Variants in ANK1 observed in about 807,000 individuals in gnomAD.
ANK1 encodes the protein ankyrin-1.
In ANK1, 51 loss-of-function variants were observed where a neutral mutation model predicts 210.4. The observed-to-expected ratio is 0.24, with a 90% CI of 0.19 to 0.31. The LOEUF (loss-of-function observed/expected upper bound fraction) is 0.31, where lower values mean the gene tolerates loss of function less well. Among genes scored for constraint, ANK1 ranks in the 10% least tolerant of loss-of-function variants. The pLI is 1.00. For synonymous variants in ANK1, 967 were observed against 1,025.9 expected (o/e 0.94, Z 1.10); for missense variants, 2,051 against 2,504.4 (o/e 0.82, Z 3.86).
chr8:41,666,628 A>AGT (rs1810632237), intron 39 of ANK1, among the ~76,000 whole-genome samples: 1 of 152,250 alleles, frequency 6.6e-6, no homozygotes, highest in African/African-American at 2.4e-5. Context: ...CACTGTTTTC[A>AGT]GAGGTCCAGT....
intron 37 of ANK1, among the ~76,000 whole-genome samples, chr8:41,675,254 G>A (rs1016221567): frequency 1.3e-5 from 2 of 152,062 alleles, no homozygotes; most frequent in South Asian, 2.1e-4. Flanking sequence ...GCGCCATGAC[G>A]CCTGGCCAAT....
intron 1 of ANK1, among the ~76,000 whole-genome samples, chr8:41,838,576 G>A (rs900763586): frequency 2.6e-5 from 4 of 152,120 alleles, no homozygotes; most frequent in African/African-American, 9.6e-5. Context: ...GACCAGCCTG[G>A]CCAACATGGT....
intron 18 of ANK1, among the ~76,000 whole-genome samples, 172 bp downstream of exon 18, chr8:41,705,971 G>A (rs576235204): frequency 6.6e-6 from 1 of 152,190 alleles, no homozygotes; most frequent in Non-Finnish European, 1.5e-5. Flanking sequence ...AATCCCCAAT[G>A]GGAAAGTCAG....
chr8:41,879,754 C>T (rs1256156301), intron 1 of ANK1, among the ~76,000 whole-genome samples: 3 of 152,218 alleles, frequency 2.0e-5, no homozygotes, highest in Non-Finnish European at 4.4e-5. Context: ...GCAACACTCC[C>T]CTGGAGTGGG....
intron 1 of ANK1, among the ~76,000 whole-genome samples, chr8:41,888,632 G>C (rs924294866): frequency 3.3e-5 from 5 of 152,272 alleles, no homozygotes; most frequent in Non-Finnish European, 7.3e-5. Flanking sequence ...GTATTGACTA[G>C]TGTCTGCACA....
chr8:41,831,493 C>T (rs909282582), intron 1 of ANK1, among the ~76,000 whole-genome samples: 1 of 151,988 alleles, frequency 6.6e-6, no homozygotes, highest in Non-Finnish European at 1.5e-5. Context: ...ACTAAAACTA[C>T]AAAAATTGGT....
chr8:41,736,381 A>C (rs1586583026), intron 2 of ANK1, among the ~76,000 whole-genome samples: 1 of 152,276 alleles, frequency 6.6e-6, no homozygotes, highest in Non-Finnish European at 1.5e-5. Context: ...GAGCAGGGCG[A>C]GCTTTTTCAG....
At chr8:41,851,835 G>A (rs966578826) in intron 1 of ANK1, among the ~76,000 whole-genome samples, 1 of 152,162 alleles carries the variant, frequency 6.6e-6, no homozygotes, top group Non-Finnish European at 1.5e-5. Context: ...CCAGCTGGGT[G>A]ACAGAGCCAG....
chr8:41,703,450 A>T (rs4737006), intron 20 of ANK1, among the ~76,000 whole-genome samples: 3,046 of 58,868 alleles, frequency 0.052, 354 homozygotes, highest in African/African-American at 0.19. Context: ...ATATATATAT[A>T]TTTTTTTTTT....
chr8:41,827,236 A>T (rs1805540547), intron 1 of ANK1, among the ~76,000 whole-genome samples: 1 of 152,240 alleles, frequency 6.6e-6, no homozygotes, highest in Non-Finnish European at 1.5e-5. Context: ...GCCAGGAATA[A>T]ATACCCATCT....
At chr8:41,695,406 C>T (rs1054382608) in intron 26 of ANK1, 75 bp from the exon 27 acceptor site, 29 of 1,602,184 alleles carry the variant, frequency 1.8e-5, no homozygotes, top group South Asian at 7.7e-5. Flanking sequence ...ATGGGGCTGC[C>T]GGCTCCCACC....
At chr8:41,846,212 G>A (rs1274551841) in intron 1 of ANK1, among the ~76,000 whole-genome samples, 3 of 152,226 alleles carry the variant, frequency 2.0e-5, no homozygotes, top group Non-Finnish European at 4.4e-5. Context: ...GATTTACAAA[G>A]CTTATTACAG....
intron 31 of ANK1, among the ~76,000 whole-genome samples, chr8:41,692,138 C>A (rs1049738277): frequency 3.9e-5 from 6 of 152,126 alleles, no homozygotes; most frequent in African/African-American, 1.4e-4. Flanking sequence ...CTCACTGCAA[C>A]CTCTGCCTCC....
intron 1 of ANK1, among the ~76,000 whole-genome samples, chr8:41,765,214 T>A (rs1035890224): frequency 1.3e-5 from 2 of 151,500 alleles, no homozygotes; most frequent in African/African-American, 4.9e-5. Flanking sequence ...TTTTTTCTCT[T>A]TCTTTCTTTT....
intron 3 of ANK1, among the ~76,000 whole-genome samples, chr8:41,733,631 G>GT (rs1832744199): frequency 6.6e-6 from 1 of 152,218 alleles, no homozygotes; most frequent in Admixed American, 6.5e-5. Context: ...AGAGCGTGAA[G>GT]TATGTCTGCT....
At chr8:41,813,085 ATAAACCAAATTTC>A (rs1802747108) in intron 1 of ANK1, among the ~76,000 whole-genome samples, 1 of 152,374 alleles carries the variant, frequency 6.6e-6, no homozygotes, top group South Asian at 2.1e-4. Flanking sequence ...GGAGCAGAGA[ATAAACCAAATTTC>A]TAAGTCTGAA....
Position 41,684,686 on chromosome 8 carries a change from C to T in ANK1, c.4395G>A (p.Glu1465=), listed in dbSNP as rs1179386477. Residue 1465 remains glutamate (E), a synonymous_variant, in exon 37 of 43, where the codon GAG becomes GAA. Coordinates refer to ENST00000289734, the MANE Select transcript of ANK1 (RefSeq NM_000037.4). ...VIREGQNANM[E]NLYTALQSID... ...TGCTCTGCAGGGCTGTGTACAGATT[C>T]TCCACTGTGGGCGCAGAAGAGAGAT... 2.5e-6 allele frequency: 4 copies of T among 1,613,790 alleles called. No individual in the cohort carries two copies. The highest frequency in any genetic ancestry group is 1.3e-5 in the African/African-American group (1 of 75,062).
intron 1 of ANK1, among the ~76,000 whole-genome samples, chr8:41,862,834 A>G (rs1290465572): frequency 6.6e-6 from 1 of 151,292 alleles, no homozygotes; most frequent in African/African-American, 2.4e-5. Flanking sequence ...ACATGGCAAG[A>G]CCCCTGTCTC....
intron 1 of ANK1, among the ~76,000 whole-genome samples, chr8:41,871,274 G>A (rs1384440336): frequency 1.3e-5 from 2 of 152,152 alleles, no homozygotes; most frequent in Non-Finnish European, 2.9e-5. Flanking sequence ...CCTAACCTCC[G>A]CAGAATCGAG....
Sources: allele counts gnomAD v4.1 joint callset (sites outside exome capture counted in the v4.1 genomes callset), GRCh38; gene constraint gnomAD v4.1.1; transcripts MANE v1.5; gene names NCBI Gene and HGNC (gene_info 2026-07-23, HGNC 2026-07-21).